Variants in SGCZ observed in about 807,000 individuals in gnomAD.
SGCZ encodes sarcoglycan zeta, also known as zeta-sarcoglycan.
SGCZ carries 40 observed loss-of-function variants against 41.3 expected under a neutral mutation model. The ratio of observed to expected loss-of-function variants is 0.97; its 90% CI spans 0.75 to 1.26. The LOEUF (loss-of-function observed/expected upper bound fraction) is 1.26, where lower values mean the gene tolerates loss of function less well. SGCZ is among the 50% of genes most tolerant of loss of function. The probability of loss-of-function intolerance (pLI) is 0.00; values close to 1 mark genes in which losing one functional copy is unlikely to be tolerated. For synonymous variants in SGCZ, 206 were observed against 137.5 expected (o/e 1.50, Z -3.49); for missense variants, 552 against 369.8 (o/e 1.49, Z -4.04).
At chr8:14,417,539 G>A (rs1282596652) in intron 2 of SGCZ, among the ~76,000 whole-genome samples, 3 of 151,872 alleles carry the variant, frequency 2.0e-5, no homozygotes, top group East Asian at 3.9e-4. Context: ...TCCATGAACT[G>A]TAATCATTAT....
intron 1 of SGCZ, among the ~76,000 whole-genome samples, chr8:14,617,887 G>A (rs1282695760): frequency 2.0e-5 from 3 of 151,058 alleles, no homozygotes; most frequent in Non-Finnish European, 4.4e-5. Context: ...CCTTTAAAAT[G>A]GAAAAATTAC....
chr8:14,983,900 T>C (rs747976756), intron 1 of SGCZ, among the ~76,000 whole-genome samples: 5 of 152,234 alleles, frequency 3.3e-5, no homozygotes, highest in African/African-American at 1.2e-4. Context: ...TATACAATTA[T>C]GTTTTATTAT....
intron 2 of SGCZ, among the ~76,000 whole-genome samples, chr8:14,348,808 T>G (rs1165728316): frequency 6.6e-6 from 1 of 152,148 alleles, no homozygotes; most frequent in Non-Finnish European, 1.5e-5. Flanking sequence ...AAGTACTGCT[T>G]TTTCTCAACC....
At chr8:14,308,522 T>C (rs772134032) in intron 3 of SGCZ, among the ~76,000 whole-genome samples, 13 of 152,008 alleles carry the variant, frequency 8.6e-5, no homozygotes, top group Admixed American at 6.6e-4. Flanking sequence ...TGCAAACTCG[T>C]GCCATTAGAG....
chr8:14,592,696 T>A (rs1447702567), intron 1 of SGCZ, among the ~76,000 whole-genome samples: 1 of 152,204 alleles, frequency 6.6e-6, no homozygotes, highest in Non-Finnish European at 1.5e-5. Flanking sequence ...CATGACACTT[T>A]TAGTGGAAAA....
At chr8:14,504,040 T>C (rs75443063) in intron 2 of SGCZ, among the ~76,000 whole-genome samples, 3,873 of 152,248 alleles carry the variant, frequency 0.025, 118 homozygotes, top group African/African-American at 0.07. Flanking sequence ...TTTATTTCTC[T>C]AAAGTTATCA....
At chr8:14,876,036 A>G (rs536300388) in intron 1 of SGCZ, among the ~76,000 whole-genome samples, 1 of 152,290 alleles carries the variant, frequency 6.6e-6, no homozygotes, top group Non-Finnish European at 1.5e-5. Context: ...AGAACAAATG[A>G]AAATATAGTC....
intron 2 of SGCZ, among the ~76,000 whole-genome samples, chr8:14,344,487 G>A (rs1209038538): frequency 6.6e-6 from 1 of 151,810 alleles, no homozygotes; most frequent in Non-Finnish European, 1.5e-5. Flanking sequence ...AAAATTATAA[G>A]AAACAGAGCA....
At chr8:14,369,705 T>C (rs1803843520) in intron 2 of SGCZ, among the ~76,000 whole-genome samples, 1 of 152,014 alleles carries the variant, frequency 6.6e-6, no homozygotes, top group South Asian at 2.1e-4. Context: ...CAAAAAGTAA[T>C]GATTTTTCTA....
At chr8:14,894,900 G>C (rs1805138280) in intron 1 of SGCZ, among the ~76,000 whole-genome samples, 1 of 151,948 alleles carries the variant, frequency 6.6e-6, no homozygotes, top group Non-Finnish European at 1.5e-5. Flanking sequence ...ACAGAATGAA[G>C]GAAAACTATA....
intron 2 of SGCZ, among the ~76,000 whole-genome samples, chr8:14,425,330 G>C (rs1349767177): frequency 1.3e-5 from 2 of 152,062 alleles, no homozygotes; most frequent in African/African-American, 4.8e-5. Context: ...ATTTCAAAAA[G>C]TACATCTTGG....
intron 2 of SGCZ, among the ~76,000 whole-genome samples, chr8:14,434,166 A>G (rs527730819): frequency 3.8e-4 from 58 of 152,312 alleles, no homozygotes; most frequent in Middle Eastern, 6.8e-3. Context: ...ATGAGGACCC[A>G]GTTTCATTCT....
chr8:14,190,308 C>T (rs762411053), intron 4 of SGCZ, among the ~76,000 whole-genome samples: 5 of 151,752 alleles, frequency 3.3e-5, no homozygotes, highest in African/African-American at 4.8e-5. Context: ...CACAGCACCC[C>T]GCCAGCGGAA....
At chr8:15,021,148 T>C (rs572993598) in intron 1 of SGCZ, among the ~76,000 whole-genome samples, 1 of 152,294 alleles carries the variant, frequency 6.6e-6, no homozygotes, top group South Asian at 2.1e-4. Context: ...ATATCAAAAA[T>C]GGTATTAAGC....
At chr8:14,795,239 G>A (rs1335238449) in intron 1 of SGCZ, among the ~76,000 whole-genome samples, 1 of 152,110 alleles carries the variant, frequency 6.6e-6, no homozygotes. Flanking sequence ...GCATACATAT[G>A]TATATTCACA....
At chr8:14,545,927 T>C (rs576535887) in intron 2 of SGCZ, among the ~76,000 whole-genome samples, 143 of 152,308 alleles carry the variant, frequency 9.4e-4, no homozygotes, top group Admixed American at 2.0e-3. Context: ...TGTAGTTTAC[T>C]TCAGGAAAAA....
intron 1 of SGCZ, among the ~76,000 whole-genome samples, chr8:14,731,372 C>A (rs760491537): frequency 1.3e-4 from 19 of 141,194 alleles, no homozygotes; most frequent in Non-Finnish European, 2.7e-4. Flanking sequence ...ACATCACACA[C>A]TGGGGTCTGT....
At chr8:14,127,835 G>A (rs1353183200) in intron 5 of SGCZ, among the ~76,000 whole-genome samples, 1 of 152,080 alleles carries the variant, frequency 6.6e-6, no homozygotes. Context: ...TCATGTCACA[G>A]GGGATTTTTG....
chr8:14,403,036 C>A lies in SGCZ; in HGVS notation c.235-78832G>T, dbSNP rs1400424567. Among the ~76,000 whole-genome samples, 47 of 149,778 alleles carry A rather than the reference C, an allele frequency of 3.1e-4. No homozygotes were observed. In the East Asian group the frequency reaches 5.4e-3, roughly 17 times the overall value. ...TGTAAGTTGGATTCCTAGGTATTTT[C>A]TTCTCTTTGAAGCAATTGTGAATGG... is the stretch of plus-strand genomic sequence containing the variant. On this transcript the variant is annotated intron_variant, in intron 2 of 7. Coordinates refer to ENST00000382080, the MANE Select transcript of SGCZ (RefSeq NM_139167.4).
Sources: allele counts gnomAD v4.1 joint callset (sites outside exome capture counted in the v4.1 genomes callset), GRCh38; gene constraint gnomAD v4.1.1; transcripts MANE v1.5; gene names NCBI Gene and HGNC (gene_info 2026-07-23, HGNC 2026-07-21).